FHIT: variants seen among roughly 807,000 people sequenced by gnomAD.
The protein encoded by FHIT is bis(5'-adenosyl)-triphosphatase.
Under a neutral mutation model 17.9 loss-of-function variants are expected in FHIT, and 19 were observed. The observed-to-expected ratio is 1.06, with a 90% CI of 0.74 to 1.56. FHIT has a LOEUF of 1.56. Among genes scored for constraint, FHIT ranks in the 40% most tolerant of loss-of-function variants. The probability of loss-of-function intolerance (pLI) is 0.00; values close to 1 mark genes in which losing one functional copy is unlikely to be tolerated. For missense variants in FHIT, 248 were observed against 189.2 expected, an observed-to-expected ratio of 1.31 and a Z score of -1.82; for synonymous variants, 81 against 69.7, an observed-to-expected ratio of 1.16 and a Z score of -0.81.
At chr3:60,333,733 C>T (rs1710103684) in intron 5 of FHIT, among the ~76,000 whole-genome samples, 1 of 152,134 alleles carries the variant, frequency 6.6e-6, no homozygotes, top group Admixed American at 6.5e-5. Flanking sequence ...AATTGATTCT[C>T]CCAGTCTTAA....
chr3:59,767,604 C>T (rs1166099862), intron 8 of FHIT, among the ~76,000 whole-genome samples: 1 of 152,016 alleles, frequency 6.6e-6, no homozygotes, highest in African/African-American at 2.4e-5. Flanking sequence ...GGACTGGAGC[C>T]CAACATTAAG....
chr3:60,420,664 A>C (rs1192957201), intron 5 of FHIT, among the ~76,000 whole-genome samples: 1 of 152,158 alleles, frequency 6.6e-6, no homozygotes. Context: ...TCTCTCTGGC[A>C]AACTGCTCAT....
chr3:60,147,163 A>G (rs1402379548), intron 5 of FHIT, among the ~76,000 whole-genome samples: 1 of 152,190 alleles, frequency 6.6e-6, no homozygotes, highest in Non-Finnish European at 1.5e-5. Flanking sequence ...ACAAAAGGGT[A>G]TTAATGAATC....
At chr3:60,325,343 T>C (rs985728972) in intron 5 of FHIT, among the ~76,000 whole-genome samples, 12 of 152,204 alleles carry the variant, frequency 7.9e-5, no homozygotes, top group Non-Finnish European at 1.5e-5. Context: ...AAACTTTTGA[T>C]AAATTAAATA....
intron 4 of FHIT, chr3:60,730,404 A>G (rs957214678): frequency 4.2e-5 from 10 of 238,058 alleles, no homozygotes; most frequent in Non-Finnish European, 9.5e-5. Context: ...CATCCATGTG[A>G]GCAGAAAATG....
chr3:61,163,482 C>T (rs552741929), intron 2 of FHIT, among the ~76,000 whole-genome samples: 3 of 152,226 alleles, frequency 2.0e-5, no homozygotes, highest in East Asian at 3.9e-4. Context: ...TATGGCATGT[C>T]GGCATTTGAC....
intron 3 of FHIT, among the ~76,000 whole-genome samples, chr3:60,856,178 A>C (rs1298770225): frequency 6.6e-6 from 1 of 152,118 alleles, no homozygotes; most frequent in Non-Finnish European, 1.5e-5. Flanking sequence ...CATTCGAGGC[A>C]GATAAAGTTG....
chr3:60,548,284 T>G (rs956720818), intron 4 of FHIT, among the ~76,000 whole-genome samples: 5 of 152,184 alleles, frequency 3.3e-5, no homozygotes, highest in Non-Finnish European at 5.9e-5. Flanking sequence ...GCAATCCCTT[T>G]GCACTAAAGC....
rs185635121 is a variant in FHIT at position 60,650,257 on chromosome 3, T to G, written c.-17-113278A>C. On this transcript the variant is annotated intron_variant, in intron 4 of 9. Coordinates refer to ENST00000492590, the MANE Select transcript of FHIT (RefSeq NM_002012.4). The stretch of plus-strand genomic sequence containing the variant: ...ATACTACAGAACACATGCCTCTCAC[T>G]CAGTCATTTCTTTGTCTTAGTTTCT... Among the ~76,000 whole-genome samples the G allele has an allele frequency of 5.3e-4, 81 of 152,292 alleles. 2 individuals are homozygous for G. In the East Asian group the frequency reaches 0.015, roughly 29 times the overall value.
At chr3:59,970,673 A>G (rs1300939290) in intron 7 of FHIT, among the ~76,000 whole-genome samples, 1 of 152,046 alleles carries the variant, frequency 6.6e-6, no homozygotes, top group Admixed American at 6.6e-5. Flanking sequence ...CGAGCAGCAT[A>G]TGCTTGATTT....
chr3:60,739,653 T>A (rs926319606), intron 4 of FHIT, among the ~76,000 whole-genome samples: 9 of 152,156 alleles, frequency 5.9e-5, no homozygotes, highest in Non-Finnish European at 1.2e-4. Flanking sequence ...GCACACATAC[T>A]CCCTCAATTA....
intron 5 of FHIT, among the ~76,000 whole-genome samples, chr3:60,262,298 G>A (rs1231790887): frequency 6.6e-6 from 1 of 151,944 alleles, no homozygotes; most frequent in Non-Finnish European, 1.5e-5. Flanking sequence ...CTTAATGAGG[G>A]AACCAGTAGC....
chr3:60,110,485 A>G (rs1704623141), intron 5 of FHIT, among the ~76,000 whole-genome samples: 2 of 152,174 alleles, frequency 1.3e-5, no homozygotes, highest in Non-Finnish European at 2.9e-5. Flanking sequence ...AGATCACCAA[A>G]TAGACACCAG....
rs540690570 is a variant in FHIT, at chr3:59,843,956, G to C, written c.348+78390C>G. ...TCTAATGGCTTGGTGCTGTCCTCAT[G>C]ATAATGAGTGTGTTCTCATGAGATC... On this transcript the variant is annotated intron_variant, in intron 8 of 9. Transcript: ENST00000492590. Among the ~76,000 whole-genome samples the C allele has an allele frequency of 3.7e-4, 56 of 152,248 alleles. No homozygotes were observed. The South Asian group carries it at 0.011, about 31-fold the overall frequency.
In FHIT at chr3:60,431,807, C is replaced by T. The variant is rs1702917679; in HGVS notation, c.103+105053G>A. 2.6e-5 allele frequency among the ~76,000 whole-genome samples: 4 copies of T among 152,052 alleles called. No individual in the cohort carries two copies. The South Asian group carries it at 8.3e-4, about 32-fold the overall frequency. The stretch of plus-strand genomic sequence containing the variant: ...GACTCTCTCATGTCCAGCTCAGAGT[C>T]TTCTCTTAGTAGCTTTTTATGGCCA... On this transcript the variant is annotated intron_variant, in intron 5 of 9. Transcript: ENST00000492590.
At chr3:60,694,021 C>G (rs2041055732) in intron 4 of FHIT, among the ~76,000 whole-genome samples, 1 of 152,096 alleles carries the variant, frequency 6.6e-6, no homozygotes, top group Non-Finnish European at 1.5e-5. Context: ...ATAGATTGAC[C>G]TAGGAGAAGA....
chr3:60,037,995 T>C (rs1701289690), intron 5 of FHIT, among the ~76,000 whole-genome samples: 1 of 152,178 alleles, frequency 6.6e-6, no homozygotes, highest in Non-Finnish European at 1.5e-5. Context: ...ATTACAGGTG[T>C]GAGGCACTGT....
At chr3:59,852,203 A>G (rs1455968615) in intron 8 of FHIT, among the ~76,000 whole-genome samples, 1 of 151,842 alleles carries the variant, frequency 6.6e-6, no homozygotes, top group African/African-American at 2.4e-5. Flanking sequence ...TAATTTTTAA[A>G]CTCTTGGGTG....
chr3:59,784,264 C>T (rs556683152), intron 8 of FHIT, among the ~76,000 whole-genome samples: 1 of 152,308 alleles, frequency 6.6e-6, no homozygotes, highest in East Asian at 1.9e-4. Context: ...TTTCTTCCTC[C>T]TGGATTCTCC....
Sources: allele counts gnomAD v4.1 joint callset (sites outside exome capture counted in the v4.1 genomes callset), GRCh38; gene constraint gnomAD v4.1.1; transcripts MANE v1.5; gene names NCBI Gene and HGNC (gene_info 2026-07-23, HGNC 2026-07-21).